Variants in CC2D2A observed in about 807,000 individuals in gnomAD.
CC2D2A encodes coiled-coil and C2 domain containing 2A.
Under a neutral mutation model 212.9 loss-of-function variants are expected in CC2D2A, and 155 were observed. That is an observed-to-expected ratio of 0.73 (90% CI 0.64 to 0.83). CC2D2A has a LOEUF of 0.83. Ranked by LOEUF, CC2D2A falls within the 40% of genes least tolerant of loss-of-function variation. CC2D2A has a pLI of 0.00. For synonymous variants in CC2D2A, 667 were observed against 686.5 expected, an observed-to-expected ratio of 0.97 and a Z score of 0.44; for missense variants, 1,856 against 1,956.2, an observed-to-expected ratio of 0.95 and a Z score of 0.97.
At chr4:15,554,331 C>T (rs1191748223) in intron 19 of CC2D2A, among the ~76,000 whole-genome samples, 3 of 152,186 alleles carry the variant, frequency 2.0e-5, no homozygotes, top group Admixed American at 1.3e-4. Context: ...ACTGTGGCTT[C>T]CTTTGATCTC....
At chr4:15,494,714 G>T (rs963634166) in intron 4 of CC2D2A, among the ~76,000 whole-genome samples, 1 of 152,148 alleles carries the variant, frequency 6.6e-6, no homozygotes, top group African/African-American at 2.4e-5. Flanking sequence ...AGCATTAATT[G>T]TGGCTTAAAG....
chr4:15,502,425 T>C lies in CC2D2A; in HGVS notation c.248-4T>C. 1 of 1,590,642 alleles carries C rather than the reference T, an allele frequency of 6.3e-7. No homozygotes were observed. ...TTTGTTTTGTTTTTGTTTTTGTTTT[T>C]TAGGCTTACCTCCAATTCCTTCAAC... On this transcript the variant is annotated splice_polypyrimidine_tract_variant and splice_region_variant and intron_variant, in intron 4 of 36. Coordinates refer to ENST00000424120, the MANE Select transcript of CC2D2A (RefSeq NM_001378615.1).
chr4:15,528,793 T>G, intron 13 of CC2D2A, 67 bp downstream of exon 13: 1 of 1,139,738 alleles, frequency 8.8e-7, no homozygotes, highest in South Asian at 1.5e-5. Flanking sequence ...AGAGTTTATT[T>G]TTCCAGATAC....
At chr4:15,599,904 A>G (rs990251963) in intron 36 of CC2D2A, among the ~76,000 whole-genome samples, 198 bp downstream of exon 36, 10 of 152,242 alleles carry the variant, frequency 6.6e-5, no homozygotes, top group African/African-American at 1.7e-4. Context: ...CATTTTTCAT[A>G]TAAGTATCCC....
intron 28 of CC2D2A, 66 bp downstream of exon 28, chr4:15,570,562 C>T (rs1461011405): frequency 1.4e-5 from 17 of 1,200,932 alleles, no homozygotes; most frequent in East Asian, 5.1e-5. Flanking sequence ...CCTATTAAAA[C>T]GTTCTTTGTG....
At chr4:15,488,537 C>A (rs1715133214) in intron 4 of CC2D2A, among the ~76,000 whole-genome samples, 1 of 152,112 alleles carries the variant, frequency 6.6e-6, no homozygotes, top group Non-Finnish European at 1.5e-5. Flanking sequence ...TTTTTATAGA[C>A]CTTGCAGTAG....
In CC2D2A at chr4:15,540,994, C is replaced by T. The variant is rs199768782; in HGVS notation, c.2161C>T (p.Pro721Ser). Residue 721 changes from proline to serine, a missense_variant, in exon 17 of 37, where the codon CCG (proline) becomes TCG (serine). Pro to Ser is a moderately conservative substitution (Grantham distance 74). Coordinates refer to ENST00000424120, the MANE Select transcript of CC2D2A (RefSeq NM_001378615.1). ...QIFNLQIVNW[P>S]ESLTLQVYET... ...TTTCAATTTGCAAATAGTCAACTGG[C>T]CGGAGAGTTTAACACTTCAGGTACA... 2,477 of 1,549,670 alleles carry T rather than the reference C, an allele frequency of 1.6e-3. 8 individuals carry two copies. The highest frequency in any genetic ancestry group is 0.01 in the South Asian group (843 of 83,752).
intron 35 of CC2D2A, among the ~76,000 whole-genome samples, chr4:15,598,370 T>A (rs920089398): frequency 6.6e-6 from 1 of 152,226 alleles, no homozygotes; most frequent in Non-Finnish European, 1.5e-5. Context: ...TTAGGCAATG[T>A]ACAAGAGGCT....
At chr4:15,519,822 G>T (rs1717104830) in intron 11 of CC2D2A, 1 of 304,600 alleles carries the variant, frequency 3.3e-6, no homozygotes, top group Non-Finnish European at 6.7e-6. Flanking sequence ...CTCCCACCCA[G>T]TTCCTCTCAT....
intron 8 of CC2D2A, among the ~76,000 whole-genome samples, chr4:15,513,334 A>G (rs958913719): frequency 9.2e-5 from 14 of 152,226 alleles, no homozygotes; most frequent in Non-Finnish European, 2.1e-4. Flanking sequence ...CTTCTGCCAT[A>G]TTCTACTCAG....
At chr4:15,569,611 G>GTGTTCT (rs1720065547) in intron 27 of CC2D2A, among the ~76,000 whole-genome samples, 1 of 152,316 alleles carries the variant, frequency 6.6e-6, no homozygotes, top group South Asian at 2.1e-4. Flanking sequence ...ACAGAATAGG[G>GTGTTCT]TGTTCTCGAA....
chr4:15,505,684 C>T (rs1716217174), intron 6 of CC2D2A, among the ~76,000 whole-genome samples: 1 of 152,212 alleles, frequency 6.6e-6, no homozygotes, highest in South Asian at 2.1e-4. Flanking sequence ...TTTCTTTGAT[C>T]TGACGCCCAA....
chr4:15,477,152 A>T (rs1714271681), intron 2 of CC2D2A, among the ~76,000 whole-genome samples: 2 of 152,122 alleles, frequency 1.3e-5, no homozygotes, highest in African/African-American at 2.4e-5. Context: ...AAAATACAAA[A>T]TTAGTCAGGC....
intron 24 of CC2D2A, 83 bp downstream of exon 24, chr4:15,563,605 A>C: frequency 7.4e-4 from 1,052 of 1,417,298 alleles, no homozygotes; most frequent in Middle Eastern, 1.2e-3. Flanking sequence ...ACTCACTCTC[A>C]TTCTTAACGT....
intron 12 of CC2D2A, among the ~76,000 whole-genome samples, chr4:15,528,403 C>T (rs1284371478): frequency 2.6e-5 from 4 of 152,306 alleles, no homozygotes; most frequent in African/African-American, 7.2e-5. Context: ...GATGGACATA[C>T]ACTATGCTTT....
chr4:15,559,542 T>C (rs930174275), intron 22 of CC2D2A, among the ~76,000 whole-genome samples: 12 of 152,220 alleles, frequency 7.9e-5, no homozygotes, highest in African/African-American at 2.9e-4. Flanking sequence ...AATATTTGAA[T>C]GTTGCATTGC....
intron 3 of CC2D2A, 43 bp from the exon 4 acceptor site, chr4:15,480,657 CAAAT>C (rs762716134): frequency 9.5e-6 from 15 of 1,578,032 alleles, no homozygotes; most frequent in Middle Eastern, 1.7e-4. Context: ...GGAACAGACT[CAAAT>C]AAAGTCCTGG....
intron 13 of CC2D2A, among the ~76,000 whole-genome samples, chr4:15,530,076 A>G (rs1396768928): frequency 2.0e-5 from 3 of 151,246 alleles, no homozygotes; most frequent in African/African-American, 7.3e-5. Context: ...GGTTCACGCC[A>G]TTCTCCCGCC....
intron 4 of CC2D2A, among the ~76,000 whole-genome samples, chr4:15,483,646 T>C (rs932470098): frequency 1.3e-4 from 20 of 152,206 alleles, no homozygotes; most frequent in African/African-American, 4.8e-4. Context: ...CAGAAATCTA[T>C]TATATTACAT....
Sources: gnomAD v4.1 joint callset for allele counts (sites outside exome capture counted in the v4.1 genomes callset) on GRCh38, gnomAD v4.1.1 for gene constraint, MANE v1.5 for transcripts, NCBI Gene and HGNC (gene_info 2026-07-23, HGNC 2026-07-21) for gene names.